The following ANKRD33B variants were observed in gnomAD, a reference collection of about 807,000 sequenced individuals.
ANKRD33B encodes ankyrin repeat domain 33B.
Under a neutral mutation model 21.5 loss-of-function variants are expected in ANKRD33B, and 6 were observed. The observed-to-expected ratio is 0.28, with a 90% confidence interval of 0.15 to 0.55. The LOEUF (loss-of-function observed/expected upper bound fraction) is 0.55, where lower values mean the gene tolerates loss of function less well. Among genes scored for constraint, ANKRD33B ranks in the 20% least tolerant of loss-of-function variants. ANKRD33B has a pLI of 0.94. For missense variants in ANKRD33B, 698 were observed against 747.2 expected (o/e 0.93, Z 0.77); for synonymous variants, 347 against 342.4 (o/e 1.01, Z -0.15).
At chr5:10,607,515 C>T (rs1318909981) in intron 1 of ANKRD33B, among the ~76,000 whole-genome samples, 1 of 152,182 alleles carries the variant, frequency 6.6e-6, no homozygotes, top group African/African-American at 2.4e-5. Context: ...TGCAATTTTA[C>T]CAAGAGGCAG....
chr5:10,598,335 C>T (rs1318159547), intron 1 of ANKRD33B, among the ~76,000 whole-genome samples: 1 of 152,102 alleles, frequency 6.6e-6, no homozygotes, highest in African/African-American at 2.4e-5. Flanking sequence ...GGCACAATCT[C>T]GGCTCATGGC....
intron 2 of ANKRD33B, among the ~76,000 whole-genome samples, chr5:10,632,571 C>G (rs1274673447): frequency 1.3e-5 from 2 of 152,138 alleles, no homozygotes; most frequent in Non-Finnish European, 1.5e-5. Flanking sequence ...TCAAGCACTC[C>G]TCTCCCTCCT....
intron 1 of ANKRD33B, among the ~76,000 whole-genome samples, chr5:10,604,510 GAAAAAAAAAAAAAAGA>G (rs1736001197): frequency 9.8e-6 from 1 of 101,958 alleles, no homozygotes; most frequent in African/African-American, 3.6e-5. Flanking sequence ...GAACCTTTTT[GAAAAAAAAAAAAAAGA>G]AAAAAAAAAG....
rs898672745 is a variant in ANKRD33B at position 10,576,926 on chromosome 5, G to A, written c.366+12093G>A. On this transcript the variant is annotated intron_variant, in intron 1 of 3. Transcript: ENST00000296657. This position sits in a 1 kb window ranked among gnomAD's most constrained non-coding sequence, Gnocchi z 4.1. ...TGGGCACCTCGGATGACGCGAGGGT[G>A]GAGCCTGAAACGCTGGCCCAGGAAA... 6.6e-6 allele frequency among the ~76,000 whole-genome samples: 1 copy of A among 152,148 alleles called. No individual in the cohort carries two copies. The highest frequency in any genetic ancestry group is 1.5e-5 in the Non-Finnish European group (1 of 68,026).
At chr5:10,589,475 A>G (rs1160014376) in intron 1 of ANKRD33B, among the ~76,000 whole-genome samples, 1 of 152,152 alleles carries the variant, frequency 6.6e-6, no homozygotes, top group Non-Finnish European at 1.5e-5. Context: ...CTTTGCCAAC[A>G]CCAATTAATT....
At chr5:10,626,629 T>C (rs1437266728) in intron 2 of ANKRD33B, among the ~76,000 whole-genome samples, 1 of 152,194 alleles carries the variant, frequency 6.6e-6, no homozygotes, top group Non-Finnish European at 1.5e-5. Context: ...GAGCCACTTC[T>C]CAGAAATACA....
At chr5:10,565,859 T>A (rs1253697376) in intron 1 of ANKRD33B, among the ~76,000 whole-genome samples, 1 of 152,232 alleles carries the variant, frequency 6.6e-6, no homozygotes, top group Non-Finnish European at 1.5e-5. Flanking sequence ...CTAGCACAAA[T>A]GCACATGCTT....
rs1336196212 is a variant in ANKRD33B, at chr5:10,569,709, T to C, written c.366+4876T>C. The stretch of plus-strand genomic sequence containing the variant: ...GGTGAGGAGGGCAAATTGAGCAGAA[T>C]CCTAGACCGGGAGTCCGAGGGGCTG... On this transcript the variant is annotated intron_variant, in intron 1 of 3. Coordinates refer to ENST00000296657, the MANE Select transcript of ANKRD33B (RefSeq NM_001164440.2). 2.0e-5 allele frequency among the ~76,000 whole-genome samples: 3 copies of C among 152,116 alleles called. No individual in the cohort carries two copies. In the East Asian group the frequency reaches 5.8e-4, roughly 29 times the overall value.
intron 1 of ANKRD33B, among the ~76,000 whole-genome samples, chr5:10,593,972 A>G (rs1177268248): frequency 6.6e-6 from 1 of 152,202 alleles, no homozygotes; most frequent in African/African-American, 2.4e-5. Flanking sequence ...AACCTGTCCC[A>G]GAGTCTCTGC....
intron 1 of ANKRD33B, among the ~76,000 whole-genome samples, chr5:10,597,271 A>G (rs981007248): frequency 6.6e-6 from 1 of 152,214 alleles, no homozygotes; most frequent in African/African-American, 2.4e-5. Flanking sequence ...GTTAAGACCC[A>G]TCAGTGTGCT....
chr5:10,564,602 T>G lies in ANKRD33B; in HGVS notation c.135T>G (p.Ser45Arg). The G allele has an allele frequency of 2.6e-6, 4 of 1,534,730 alleles. No homozygotes were observed. The highest frequency in any genetic ancestry group is 3.5e-6 in the Non-Finnish European group (4 of 1,146,596). Reference sequence around the variant, plus strand: ...ACGAAGAGTTTGAGGACTTCTCGAGTCTGCCAGACACCCGCAGCATCGCCT... The same window carrying G: ...ACGAAGAGTTTGAGGACTTCTCGAGGCTGCCAGACACCCGCAGCATCGCCT... The part of the protein sequence containing the change: ...ADYEEFEDFS[S>R]LPDTRSIASD... Residue 45 changes from serine to arginine, a missense_variant, in exon 1 of 4, where the codon AGT becomes AGG. This residue lies in a region of ANKRD33B where 148 missense variants were observed against 154.9 expected (regional missense o/e 0.96). Transcript: ENST00000296657.
intron 3 of ANKRD33B, among the ~76,000 whole-genome samples, chr5:10,645,900 A>G (rs146698356): frequency 1.1e-3 from 170 of 152,322 alleles, no homozygotes; most frequent in African/African-American, 3.6e-3. Context: ...CCCAGGGGAC[A>G]TTTGGCCACG....
At chr5:10,645,519 CA>C (rs1436605907) in intron 3 of ANKRD33B, among the ~76,000 whole-genome samples, 1 of 152,146 alleles carries the variant, frequency 6.6e-6, no homozygotes, top group Non-Finnish European at 1.5e-5. Context: ...CCTGACTAGA[CA>C]GTGGCTTAAA....
chr5:10,627,198 C>T (rs973621958), intron 2 of ANKRD33B: 2 of 152,206 alleles, frequency 1.3e-5, no homozygotes, highest in African/African-American at 4.8e-5. Flanking sequence ...TTTCAACTTT[C>T]ACCACCGCTC....
intron 1 of ANKRD33B, among the ~76,000 whole-genome samples, chr5:10,613,162 G>C (rs1043661206): frequency 6.6e-6 from 1 of 152,054 alleles, no homozygotes; most frequent in Non-Finnish European, 1.5e-5. Flanking sequence ...GTGGGCTCCC[G>C]CTTCTTCTTC....
chr5:10,569,439 T>C (rs1465285171), intron 1 of ANKRD33B, among the ~76,000 whole-genome samples: 2 of 151,850 alleles, frequency 1.3e-5, no homozygotes, highest in African/African-American at 4.8e-5. Context: ...TCTAAAAAAA[T>C]ACCAAAATTA....
intron 2 of ANKRD33B, among the ~76,000 whole-genome samples, chr5:10,625,448 T>C (rs543472951): frequency 6.6e-6 from 1 of 152,212 alleles, no homozygotes; most frequent in African/African-American, 2.4e-5. Flanking sequence ...GGGCTAGTGC[T>C]GTTGAGACTG....
At chr5:10,608,302 G>T (rs1490862514) in intron 1 of ANKRD33B, among the ~76,000 whole-genome samples, 1 of 150,808 alleles carries the variant, frequency 6.6e-6, no homozygotes, top group Non-Finnish European at 1.5e-5. Context: ...ACATTGCAGT[G>T]AGCCAAGATT....
chr5:10,589,390 C>T (rs6869928), intron 1 of ANKRD33B, among the ~76,000 whole-genome samples: 48,774 of 151,958 alleles, frequency 0.32, 8,325 homozygotes, highest in Admixed American at 0.47. Context: ...CTGACTACAC[C>T]AAGCCTCACC....
Sources: allele counts gnomAD v4.1 joint callset (sites outside exome capture counted in the v4.1 genomes callset), GRCh38; gene constraint gnomAD v4.1.1; regional missense constraint gnomAD v4.1.1; non-coding constraint Gnocchi (gnomAD v3.1); transcripts MANE v1.5; gene names NCBI Gene and HGNC (gene_info 2026-07-23, HGNC 2026-07-21).